RIMS3: variants seen among roughly 807,000 people sequenced by gnomAD.
The protein encoded by RIMS3 is regulating synaptic membrane exocytosis 3.
A neutral mutation model predicts 29.2 loss-of-function variants in RIMS3; 15 were observed. That is an observed-to-expected ratio of 0.51 (90% CI 0.34 to 0.79). The LOEUF (loss-of-function observed/expected upper bound fraction) is 0.79. RIMS3 is among the 30% of genes least tolerant of loss of function. The pLI is 0.01. For missense variants in RIMS3, 342 were observed against 421.4 expected (o/e 0.81, Z 1.65); for synonymous variants, 161 against 170.1 (o/e 0.95, Z 0.41).
intron 5 of RIMS3, 90 bp downstream of exon 5, chr1:40,632,979 A>G: frequency 1.0e-6 from 1 of 957,150 alleles, no homozygotes; most frequent in South Asian, 1.3e-5. Context: ...AATAAACTCT[A>G]CGATGGCCAA....
intron 1 of RIMS3, among the ~76,000 whole-genome samples, chr1:40,655,834 G>C (rs947234860): frequency 6.6e-6 from 1 of 152,172 alleles, no homozygotes; most frequent in Non-Finnish European, 1.5e-5. Context: ...GTCAAACCCC[G>C]TCTGGATGGT....
the RIMS3 span, chr1:40,690,977 C>T: frequency 2.6e-5 from 4 of 152,188 alleles, no homozygotes; most frequent in Non-Finnish European, 5.9e-5. Context: ...GGACTTAGAT[C>T]AAGTTACTTA....
rs1032516920 is a variant in RIMS3, at chr1:40,622,821, AC to A, written c.*3695del. 2 of 152,608 alleles carry A rather than the reference AC, an allele frequency of 1.3e-5. No homozygotes were observed. Among genetic ancestry groups the A allele is most frequent in the Non-Finnish European group, 2.9e-5 (2 of 68,090 alleles). The allele number at this position is 152,608 out of a possible 1,614,324, so 9.5% of individuals were successfully genotyped here. ...AATATGAGGTATTAGGAGGGCTGGA[AC>A]CCCAGGGGAAGAGGAGCTCAGCAAC... On this transcript the variant is annotated 3_prime_UTR_variant, in exon 8 of 8. Coordinates refer to ENST00000372684, the MANE Select transcript of RIMS3 (RefSeq NM_014747.3).
chr1:40,640,945 A>C (rs954012183), intron 3 of RIMS3, among the ~76,000 whole-genome samples: 5 of 152,170 alleles, frequency 3.3e-5, no homozygotes, highest in African/African-American at 1.2e-4. Flanking sequence ...GCGCAGTGTG[A>C]ATTACTCTAT....
intron 6 of RIMS3, 71 bp downstream of exon 6, chr1:40,629,200 G>A: frequency 4.5e-6 from 6 of 1,345,230 alleles, no homozygotes; most frequent in Non-Finnish European, 6.4e-6. Flanking sequence ...AGTGGGAGCT[G>A]AGGACCTGCT....
Position 40,623,144 on chromosome 1 carries a change from C to T in RIMS3, c.*3373G>A, listed in dbSNP as rs1367143992. The T allele has an allele frequency of 2.9e-6, 1 of 340,364 alleles. No homozygotes were observed. Among genetic ancestry groups the T allele is most frequent in the Admixed American group, 4.8e-5 (1 of 20,820 alleles). 21.1% of individuals were successfully genotyped at this position (340,364 alleles called of 1,614,324 possible). On this transcript the variant is annotated 3_prime_UTR_variant, in exon 8 of 8. Transcript: ENST00000372684. ...CCTTTCTTGGAGCTCCTGGGTTCTG[C>T]CTCAGCCCCCATGAAATGCTGGCAT...
intron 1 of RIMS3, among the ~76,000 whole-genome samples, chr1:40,649,776 G>T (rs1288969118): frequency 6.6e-6 from 1 of 152,134 alleles, no homozygotes; most frequent in African/African-American, 2.4e-5. Context: ...CCTCCACCCA[G>T]CCTGGCCCAC....
the RIMS3 span, among the ~76,000 whole-genome samples, chr1:40,681,232 G>A: frequency 2.0e-5 from 3 of 152,340 alleles, no homozygotes; most frequent in Admixed American, 6.5e-5. Context: ...GGCTGAATGG[G>A]ACAGGAAGCT....
rs1389226495 is a variant in RIMS3 at position 40,626,462 on chromosome 1, T to C, written c.*55A>G. 1.1e-5 allele frequency: 16 copies of C among 1,457,484 alleles called. No homozygotes were observed. The Admixed American group carries it at 2.9e-4, about 27-fold the overall frequency. The allele number at this position is 1,457,484 out of a possible 1,614,324, so 90.3% of individuals were successfully genotyped here. On this transcript the variant is annotated 3_prime_UTR_variant, in exon 8 of 8. Coordinates refer to ENST00000372684, the MANE Select transcript of RIMS3 (RefSeq NM_014747.3). The stretch of plus-strand genomic sequence containing the variant: ...CGAAGACTATGTACAGGGGAGGACA[T>C]GGGGCCAGCAGGCACCCCTCCCCAC...
chr1:40,688,996 C>T, the RIMS3 span, among the ~76,000 whole-genome samples: 1 of 152,190 alleles, frequency 6.6e-6, no homozygotes, highest in Admixed American at 6.5e-5. Flanking sequence ...TCTTGGCTTA[C>T]CCCCATGGAT....
Position 40,641,643 on chromosome 1 carries a change from C to G in RIMS3, c.217+66G>C, listed in dbSNP as rs1646558067. On this transcript the variant is annotated intron_variant, in intron 3 of 7. Transcript: ENST00000372684. ...GGAAGTGCAGACCCATCAGGGCAGT[C>G]CCTGGGTAGTCTGTCTTTGCGAAGT... 18 of 1,511,768 alleles carry G rather than the reference C, an allele frequency of 1.2e-5. 1 individual carries two copies. In the South Asian group the frequency reaches 2.0e-4, roughly 17 times the overall value. 93.6% of individuals were successfully genotyped at this position (1,511,768 alleles called of 1,614,324 possible).
chr1:40,652,092 C>T (rs1570194354), intron 1 of RIMS3, among the ~76,000 whole-genome samples: 1 of 152,272 alleles, frequency 6.6e-6, no homozygotes, highest in East Asian at 1.9e-4. Context: ...ACACATTCTT[C>T]TCAGCCATCT....
rs1646518246 is a variant in RIMS3 at position 40,636,124 on chromosome 1, G to A, written c.218-67C>T. ...CAGATTATGAATGGGGCTTCTCTAA[G>A]AGTCCTGCCAAAGTCACTCTCTTGG... On this transcript the variant is annotated intron_variant, in intron 3 of 7. Coordinates refer to ENST00000372684, the MANE Select transcript of RIMS3 (RefSeq NM_014747.3). This position sits in a 1 kb window ranked among gnomAD's most constrained non-coding sequence, Gnocchi z 4.2. 1 of 1,580,036 alleles carries A rather than the reference G, an allele frequency of 6.3e-7. No individual in the cohort carries two copies. Among genetic ancestry groups the A allele is most frequent in the African/African-American group, 1.3e-5 (1 of 74,460 alleles).
chr1:40,647,563 G>A (rs1646603577), intron 2 of RIMS3, 105 bp downstream of exon 2: 1 of 152,184 alleles, frequency 6.6e-6, no homozygotes, highest in South Asian at 2.1e-4. Flanking sequence ...TAAAAAATTG[G>A]TGGCAAAATC....
In RIMS3 at chr1:40,629,306, C is replaced by A. The variant is rs1382290270; in HGVS notation, c.539G>T (p.Gly180Val). The change falls in exon 6 of 8, where the codon GGC becomes GTC. Residue 180 changes from glycine to valine, a missense_variant. By Grantham distance (109) the Gly-to-Val change is moderately radical. Transcript: ENST00000372684. ...QLEVEVIEAR[G>V]LTPKPGSKSL... ...TTTGGAGCCTGGTTTGGGGGTCAGG[C>A]CCCGAGCTTCAATCACTTCCACCTC... The A allele has an allele frequency of 3.7e-6, 6 of 1,614,004 alleles. No individual in the cohort carries two copies. The highest frequency in any genetic ancestry group is 5.1e-6 in the Non-Finnish European group (6 of 1,180,018).
At chr1:40,629,951 C>A (rs112591186) in intron 5 of RIMS3, among the ~76,000 whole-genome samples, 38,628 of 151,480 alleles carry the variant, frequency 0.26, 5,090 homozygotes, top group African/African-American at 0.31. Context: ...TGGTGTGCAC[C>A]TGTAGTCCCA....
At chr1:40,661,918 G>C (rs559273114) in intron 1 of RIMS3, among the ~76,000 whole-genome samples, 1 of 152,206 alleles carries the variant, frequency 6.6e-6, no homozygotes, top group South Asian at 2.1e-4. Flanking sequence ...ATACAGCTTA[G>C]ACCAGAGAGA....
At chr1:40,683,065 A>G in the RIMS3 span, among the ~76,000 whole-genome samples, 1 of 151,992 alleles carries the variant, frequency 6.6e-6, no homozygotes, top group Non-Finnish European at 1.5e-5. Context: ...TCTTTGTGGT[A>G]TTACATACAA....
chr1:40,655,063 G>A (rs566878928), intron 1 of RIMS3, among the ~76,000 whole-genome samples: 4 of 152,324 alleles, frequency 2.6e-5, no homozygotes, highest in Admixed American at 2.6e-4. Context: ...CATGGGCCCT[G>A]AGGATAAATC....
Sources: allele counts gnomAD v4.1 joint callset (sites outside exome capture counted in the v4.1 genomes callset), GRCh38; gene constraint gnomAD v4.1.1; non-coding constraint Gnocchi (gnomAD v3.1); transcripts MANE v1.5; gene names NCBI Gene and HGNC (gene_info 2026-07-23, HGNC 2026-07-21).